Variants in PPP6R1 observed in about 807,000 individuals in gnomAD.
PPP6R1 encodes protein phosphatase 6 regulatory subunit 1, also known as serine/threonine-protein phosphatase 6 regulatory subunit 1.
PPP6R1 carries 39 observed loss-of-function variants against 104.6 expected under a neutral mutation model. The observed-to-expected ratio is 0.37, with a 90% CI of 0.29 to 0.49. The LOEUF (loss-of-function observed/expected upper bound fraction) is 0.49. Ranked by LOEUF, PPP6R1 falls within the 20% of genes least tolerant of loss-of-function variation. The pLI is 0.98. For synonymous variants in PPP6R1, 549 were observed against 479.0 expected (o/e 1.15, Z -1.91); for missense variants, 1,181 against 1,155.8 (o/e 1.02, Z -0.32).
At chr19:55,229,474 G>A (rs2087317698), downstream of PPP6R1, 1 of 152,300 alleles carries the variant, frequency 6.6e-6, no homozygotes, top group Admixed American at 6.5e-5. Context: ...CAGACCTACT[G>A]GGCGCCAGTA....
chr19:55,247,152 G>T lies in PPP6R1; in HGVS notation c.-6-43C>A, dbSNP rs202055228. On this transcript the variant is annotated intron_variant, in intron 1 of 23. Coordinates refer to ENST00000412770, the MANE Select transcript of PPP6R1 (RefSeq NM_014931.4). ...ACCAGCGCCGCGTCAGACGCCCCAG[G>T]GAGTCCCCACTGGACGAGGCACTGA... 9 of 1,585,892 alleles carry T rather than the reference G, an allele frequency of 5.7e-6. No homozygotes were observed. The Admixed American group carries it at 1.2e-4, about 21-fold the overall frequency.
chr19:55,231,143 T>C (rs953885648), intron 21 of PPP6R1, among the ~76,000 whole-genome samples: 1 of 152,130 alleles, frequency 6.6e-6, no homozygotes, highest in Non-Finnish European at 1.5e-5. Context: ...CCAAAGGGTC[T>C]TCTGCATGCT....
At chr19:55,234,672 A>G (rs993757496) in intron 17 of PPP6R1, among the ~76,000 whole-genome samples, 34 of 149,370 alleles carry the variant, frequency 2.3e-4, no homozygotes, top group African/African-American at 6.2e-4. Context: ...CACTCACAGC[A>G]GCGAGCAACA....
chr19:55,242,181 T>C lies in PPP6R1; in HGVS notation c.830A>G (p.Glu277Gly). 6.2e-7 allele frequency: 1 copy of C among 1,613,196 alleles called. No homozygotes were observed. Among genetic ancestry groups the C allele is most frequent in the Non-Finnish European group, 8.5e-7 (1 of 1,179,816 alleles). The part of the protein sequence containing the change: ...SGIQVLLTLL[E>G]PRRPRSESVT... ...TATCCCTCACCTCGGCCTCCTGGGC[T>C]CCAGCAGGGTCAGCAGCACCTGGAT... Residue 277 changes from glutamate to glycine, a missense_variant, in exon 7 of 24, where the codon GAG becomes GGG. Glu to Gly is a moderately conservative substitution (Grantham distance 98). Coordinates refer to ENST00000412770, the MANE Select transcript of PPP6R1 (RefSeq NM_014931.4).
chr19:55,236,692 C>A lies in PPP6R1; in HGVS notation c.1939G>T (p.Gly647Cys). The A allele has an allele frequency of 6.2e-7, 1 of 1,608,740 alleles. No homozygotes were observed. The change falls in exon 17 of 24, where the codon GGC (glycine) becomes TGC (cysteine). Residue 647 changes from glycine to cysteine, a missense_variant. This residue lies in a region of PPP6R1 where 1,042 missense variants were observed against 955.6 expected (regional missense o/e 1.09). Coordinates refer to ENST00000412770, the MANE Select transcript of PPP6R1 (RefSeq NM_014931.4). Reference sequence around the variant, plus strand: ...CGGGCCCCCCTGGCCAGCTGGCTGCCCTGCCAGGCGCCATCTTCTCCATCA... The same window carrying A: ...CGGGCCCCCCTGGCCAGCTGGCTGCACTGCCAGGCGCCATCTTCTCCATCA... The part of the protein sequence containing the change: ...ESDGEDGAWQ[G>C]SQLARGARLG...
downstream of PPP6R1, chr19:55,228,579 C>T: frequency 6.6e-7 from 1 of 1,521,720 alleles, no homozygotes; most frequent in African/African-American, 1.4e-5. Flanking sequence ...CTGCCAGAAC[C>T]CAGCTTCCCA....
At position 55,242,230 on chromosome 19, in the gene PPP6R1, T is replaced by G; in HGVS notation, c.781A>C (p.Ser261Arg). The G allele has an allele frequency of 1.2e-6, 2 of 1,613,872 alleles. No individual in the cohort carries two copies. The highest frequency in any genetic ancestry group is 2.2e-5 in the South Asian group (2 of 91,084). ...LLSNMFEGEQ[S>R]QSVIVSGIQV... ...ATCCCACTGACGATGACAGACTGGC[T>G]CTGCTCCCCCTCGAACATGTTGCTT... Residue 261 changes from serine to arginine, a missense_variant, in exon 7 of 24, where the codon AGC becomes CGC. Physicochemically the swap from Ser to Arg is moderately radical, Grantham distance 110. Coordinates refer to ENST00000412770, the MANE Select transcript of PPP6R1 (RefSeq NM_014931.4).
intron 1 of PPP6R1, among the ~76,000 whole-genome samples, chr19:55,251,777 C>T (rs529815675): frequency 1.3e-5 from 2 of 152,314 alleles, no homozygotes; most frequent in Admixed American, 6.5e-5. Context: ...GCAAAGGTGA[C>T]TCACCAGCGT....
chr19:55,248,985 C>T (rs1301392941), intron 1 of PPP6R1, among the ~76,000 whole-genome samples: 1 of 152,218 alleles, frequency 6.6e-6, no homozygotes, highest in African/African-American at 2.4e-5. Context: ...TCCCAGTCTG[C>T]CCGTCTGCCT....
At chr19:55,231,037 G>A (rs900167091) in intron 21 of PPP6R1, 153 bp from the exon 22 acceptor site, 33 of 685,214 alleles carry the variant, frequency 4.8e-5, no homozygotes, top group South Asian at 1.4e-4. Flanking sequence ...CTGGCTCAGC[G>A]TGGAGGGACA....
intron 5 of PPP6R1, among the ~76,000 whole-genome samples, chr19:55,242,939 T>C (rs905597769): frequency 5.3e-5 from 8 of 152,062 alleles, no homozygotes; most frequent in African/African-American, 1.9e-4. Flanking sequence ...ATTCCAATTA[T>C]ATGAAATGTC....
chr19:55,231,054 C>T (rs2087340300), intron 21 of PPP6R1, 170 bp from the exon 22 acceptor site: 1 of 639,534 alleles, frequency 1.6e-6, no homozygotes, highest in African/African-American at 1.8e-5. Flanking sequence ...GACAGCACAG[C>T]CCTGGACAGG....
intron 2 of PPP6R1, among the ~76,000 whole-genome samples, chr19:55,246,241 G>A (rs2087507065): frequency 1.3e-5 from 2 of 152,096 alleles, no homozygotes; most frequent in South Asian, 4.1e-4. Flanking sequence ...GACCAGCCTG[G>A]GCAACATGGC....
At position 55,232,125 on chromosome 19, in the gene PPP6R1, C is replaced by T. The variant is rs983432431; in HGVS notation, c.2075G>A (p.Arg692His). 8.8e-6 allele frequency: 14 copies of T among 1,598,642 alleles called. 1 individual carries two copies. Among genetic ancestry groups the T allele is most frequent in the South Asian group, 4.5e-5 (4 of 88,552 alleles). ...EDEEGIGCAARGGATPLSYPS... is the reference protein window; with the variant it reads ...EDEEGIGCAAHGGATPLSYPS... ...GTAGGACAGAGGGGTGGCCCCTCCA[C>T]GGGCTGCACAGCCAATGCCCTCCTC... Residue 692 changes from arginine to histidine, a missense_variant, in exon 18 of 24, where the codon CGT becomes CAT. Arg to His is a conservative substitution (Grantham distance 29). This residue lies in a region of PPP6R1 where 1,042 missense variants were observed against 955.6 expected (regional missense o/e 1.09). Coordinates refer to ENST00000412770, the MANE Select transcript of PPP6R1 (RefSeq NM_014931.4).
chr19:55,256,130 G>C (rs2087591341), intron 1 of PPP6R1, among the ~76,000 whole-genome samples: 1 of 152,220 alleles, frequency 6.6e-6, no homozygotes, highest in Non-Finnish European at 1.5e-5. Context: ...TCCTCTAATG[G>C]AAAGAAACAG....
intron 1 of PPP6R1, among the ~76,000 whole-genome samples, chr19:55,251,336 C>T (rs546626058): frequency 1.3e-5 from 2 of 152,324 alleles, no homozygotes; most frequent in East Asian, 3.9e-4. Context: ...TAAACGCTCA[C>T]AAGTATTAGC....
In PPP6R1 at chr19:55,241,013, T is replaced by C. The variant is rs779684311; in HGVS notation, c.1228A>G (p.Met410Val). Residue 410 changes from methionine to valine, a missense_variant, in exon 10 of 24, where the codon ATG (methionine) becomes GTG (valine). Met to Val is a conservative substitution (Grantham distance 21). Transcript: ENST00000412770. The surrounding 1 kb of genome is among the most constrained non-coding windows in gnomAD (Gnocchi z 5.4). ...HAQVEGCVST[M>V]LSLGPPPDSS... ...TCAGGAGGTGGCCCCAAGCTCAGCATGGTGCTCACGCATCCCTCTACTTGG... is the reference window on the plus strand; with the variant it reads ...TCAGGAGGTGGCCCCAAGCTCAGCACGGTGCTCACGCATCCCTCTACTTGG... 45 of 1,586,058 alleles carry C rather than the reference T, an allele frequency of 2.8e-5. No homozygotes were observed. In the East Asian group the frequency reaches 8.7e-4, roughly 31 times the overall value.
At chr19:55,230,740 C>T (rs1353698659) in intron 22 of PPP6R1, 34 bp downstream of exon 22, 2 of 1,461,248 alleles carry the variant, frequency 1.4e-6, no homozygotes, top group Non-Finnish European at 1.8e-6. Flanking sequence ...CCAGCCCCAC[C>T]CCCACCCCCC....
chr19:55,255,087 C>G (rs1268673544), intron 1 of PPP6R1, among the ~76,000 whole-genome samples: 1 of 152,216 alleles, frequency 6.6e-6, no homozygotes, highest in Non-Finnish European at 1.5e-5. Flanking sequence ...CTTGGGAAAG[C>G]CTTGGGGAGG....
Sources: allele counts gnomAD v4.1 joint callset (sites outside exome capture counted in the v4.1 genomes callset), GRCh38; gene constraint gnomAD v4.1.1; regional missense constraint gnomAD v4.1.1; non-coding constraint Gnocchi (gnomAD v3.1); transcripts MANE v1.5; gene names NCBI Gene and HGNC (gene_info 2026-07-23, HGNC 2026-07-21).